PRKD1: variants seen among roughly 807,000 people sequenced by gnomAD.
The protein encoded by PRKD1 is protein kinase D1, also known as serine/threonine-protein kinase D1.
In PRKD1, 63 loss-of-function variants were observed where a neutral mutation model predicts 95.9. The observed-to-expected ratio is 0.66, with a 90% CI of 0.54 to 0.81. PRKD1 has a LOEUF of 0.81. PRKD1 is among the 30% of genes least tolerant of loss of function. The pLI is 0.00. For missense variants in PRKD1, 1,048 were observed against 1,165.3 expected (o/e 0.90, Z 1.47); for synonymous variants, 425 against 423.1 (o/e 1.00, Z -0.05).
chr14:29,731,772 A>G (rs1026794274), intron 1 of PRKD1, among the ~76,000 whole-genome samples: 6 of 151,904 alleles, frequency 3.9e-5, no homozygotes, highest in Admixed American at 1.3e-4. Flanking sequence ...CCATGGTACT[A>G]TGTTGTCATT....
intron 2 of PRKD1, among the ~76,000 whole-genome samples, chr14:29,670,226 A>T (rs571418131): frequency 2.1e-4 from 32 of 152,258 alleles, no homozygotes; most frequent in African/African-American, 6.7e-4. Flanking sequence ...TGTTGAAAAT[A>T]AAAAAAGGAC....
chr14:29,899,883 T>C (rs868500123), intron 1 of PRKD1, among the ~76,000 whole-genome samples: 6 of 152,254 alleles, frequency 3.9e-5, no homozygotes, highest in Non-Finnish European at 5.9e-5. Flanking sequence ...TGGGAGGTAA[T>C]TGGATCATGG....
chr14:29,773,886 C>T (rs1340649424), intron 1 of PRKD1, among the ~76,000 whole-genome samples: 1 of 152,216 alleles, frequency 6.6e-6, no homozygotes, highest in Non-Finnish European at 1.5e-5. Context: ...GTGAGTGTGA[C>T]ACTGTGGCTT....
intron 1 of PRKD1, among the ~76,000 whole-genome samples, chr14:29,819,704 AATAAAATAAC>A (rs923714288): frequency 6.6e-6 from 1 of 152,042 alleles, no homozygotes; most frequent in African/African-American, 2.4e-5. Context: ...AATAAAATAA[AATAAAATAAC>A]ATAAAATAAA....
intron 4 of PRKD1, among the ~76,000 whole-genome samples, chr14:29,657,238 A>G (rs1184111853): frequency 6.6e-6 from 1 of 152,218 alleles, no homozygotes; most frequent in African/African-American, 2.4e-5. Flanking sequence ...AATTAAGTAG[A>G]TAACACTTAA....
At chr14:29,782,824 G>A (rs1440318141) in intron 1 of PRKD1, among the ~76,000 whole-genome samples, 1 of 152,158 alleles carries the variant, frequency 6.6e-6, no homozygotes, top group East Asian at 1.9e-4. Flanking sequence ...TATTACAGGC[G>A]TGAGCCACTG....
chr14:29,851,316 C>T (rs183890150), intron 1 of PRKD1, among the ~76,000 whole-genome samples: 1 of 152,222 alleles, frequency 6.6e-6, no homozygotes. Context: ...AAAATATTCA[C>T]AAACTGTGCA....
At chr14:29,887,406 G>A (rs989215825) in intron 1 of PRKD1, among the ~76,000 whole-genome samples, 1 of 152,076 alleles carries the variant, frequency 6.6e-6, no homozygotes, top group East Asian at 1.9e-4. Context: ...CCATATTACT[G>A]ATGCAATTAG....
intron 1 of PRKD1, among the ~76,000 whole-genome samples, chr14:29,827,732 G>A (rs1891254424): frequency 6.6e-6 from 1 of 152,092 alleles, no homozygotes; most frequent in African/African-American, 2.4e-5. Flanking sequence ...ATATTCTCTG[G>A]TTTCCCATTC....
At chr14:29,612,382 G>T (rs189432751) in intron 13 of PRKD1, among the ~76,000 whole-genome samples, 1 of 152,264 alleles carries the variant, frequency 6.6e-6, no homozygotes, top group Non-Finnish European at 1.5e-5. Flanking sequence ...CACCTCTTCT[G>T]TGAAGGGGTT....
At chr14:29,669,529 AT>A (rs1882720077) in intron 2 of PRKD1, among the ~76,000 whole-genome samples, 1 of 152,166 alleles carries the variant, frequency 6.6e-6, no homozygotes, top group Non-Finnish European at 1.5e-5. Context: ...CATACTTGCT[AT>A]TTTTAAGGTA....
intron 1 of PRKD1, among the ~76,000 whole-genome samples, chr14:29,800,029 G>C (rs1017888902): frequency 6.6e-6 from 1 of 152,138 alleles, no homozygotes; most frequent in East Asian, 1.9e-4. Flanking sequence ...GTGTCTCACA[G>C]AGAAAATACA....
intron 13 of PRKD1, among the ~76,000 whole-genome samples, chr14:29,603,904 G>A (rs1300530784): frequency 1.3e-5 from 2 of 152,082 alleles, no homozygotes; most frequent in African/African-American, 4.8e-5. Flanking sequence ...GCCAAGTACA[G>A]GAAAAAATAG....
intron 2 of PRKD1, among the ~76,000 whole-genome samples, chr14:29,715,596 T>C (rs1007780669): frequency 1.3e-5 from 2 of 152,146 alleles, no homozygotes; most frequent in Non-Finnish European, 2.9e-5. Flanking sequence ...TTCTCTAGTT[T>C]AAGCCTCAAG....
chr14:29,744,930 A>C (rs1166289582), intron 1 of PRKD1, among the ~76,000 whole-genome samples: 1 of 152,144 alleles, frequency 6.6e-6, no homozygotes, highest in East Asian at 1.9e-4. Flanking sequence ...AGTCAACCAG[A>C]GCTCATAGGC....
At chr14:29,593,554 T>C (rs1323732118) in intron 16 of PRKD1, among the ~76,000 whole-genome samples, 2 of 152,120 alleles carry the variant, frequency 1.3e-5, no homozygotes, top group Non-Finnish European at 2.9e-5. Flanking sequence ...CCTACAGCTA[T>C]GGAGAGATGA....
intron 2 of PRKD1, among the ~76,000 whole-genome samples, chr14:29,675,986 G>T (rs1883160886): frequency 2.5e-5 from 3 of 122,366 alleles, no homozygotes; most frequent in Admixed American, 8.8e-5. Flanking sequence ...TCGTGGGGTG[G>T]GGGGTGGGGG....
chr14:29,726,798 A>C (rs116212431), intron 1 of PRKD1, among the ~76,000 whole-genome samples: 1,999 of 152,124 alleles, frequency 0.013, 29 homozygotes, highest in African/African-American at 0.045. Context: ...AAAAAAAAAA[A>C]ACACAACAGC....
At chr14:29,819,153 T>C (rs1890807294) in intron 1 of PRKD1, among the ~76,000 whole-genome samples, 1 of 152,152 alleles carries the variant, frequency 6.6e-6, no homozygotes, top group African/African-American at 2.4e-5. Flanking sequence ...AGGAAAAATA[T>C]AATCTAAAGG....
Sources: allele counts gnomAD v4.1 joint callset (sites outside exome capture counted in the v4.1 genomes callset), GRCh38; gene constraint gnomAD v4.1.1; transcripts MANE v1.5; gene names NCBI Gene and HGNC (gene_info 2026-07-23, HGNC 2026-07-21).